Variants in UGT1A3 observed in about 807,000 individuals in gnomAD.
UGT1A3 encodes UDP-glucuronosyltransferase 1A3.
In UGT1A3, 31 loss-of-function variants were observed where a neutral mutation model predicts 41.0. The observed-to-expected ratio is 0.76, with a 90% CI of 0.57 to 1.02. UGT1A3 has a LOEUF of 1.02. UGT1A3 is among the 50% of genes least tolerant of loss of function. The probability of loss-of-function intolerance (pLI) is 0.00; values close to 1 mark genes in which losing one functional copy is unlikely to be tolerated. For missense variants in UGT1A3, 737 were observed against 671.0 expected (o/e 1.10, Z -1.09); for synonymous variants, 262 against 257.6 (o/e 1.02, Z -0.17).
At chr2:233,762,468 G>A (rs976449997) in intron 1 of UGT1A3, among the ~76,000 whole-genome samples, 1 of 152,122 alleles carries the variant, frequency 6.6e-6, no homozygotes, top group Non-Finnish European at 1.5e-5. Context: ...TAATGTCATG[G>A]ATATCACTCC....
intron 1 of UGT1A3, among the ~76,000 whole-genome samples, chr2:233,762,133 C>T (rs1697980653): frequency 6.6e-6 from 1 of 152,096 alleles, no homozygotes. Flanking sequence ...ATGTGGGGAC[C>T]TGTGTGACTT....
chr2:233,765,286 A>G (rs1698795381), intron 1 of UGT1A3, among the ~76,000 whole-genome samples: 1 of 152,246 alleles, frequency 6.6e-6, no homozygotes. Flanking sequence ...AAATTATTCT[A>G]CTATAAAGAC....
At chr2:233,742,287 T>C (rs1415995429) in intron 1 of UGT1A3, among the ~76,000 whole-genome samples, 2 of 152,000 alleles carry the variant, frequency 1.3e-5, no homozygotes, top group East Asian at 1.9e-4. Context: ...ATCATTTCTA[T>C]AGATTATAGA....
rs542881943 is a variant in UGT1A3, at chr2:233,729,093, G to A, written c.-34G>A. 7.1e-5 allele frequency: 115 copies of A among 1,612,640 alleles called. 3 individuals carry two copies. In the South Asian group the frequency reaches 1.2e-3, roughly 17 times the overall value. ...AGCAAATGTAGCAGGCACAGCGTGGGGTGGACAGTCAGCTGTCCGTGTCTT... is the reference window on the plus strand; with the variant it reads ...AGCAAATGTAGCAGGCACAGCGTGGAGTGGACAGTCAGCTGTCCGTGTCTT... On this transcript the variant is annotated 5_prime_UTR_variant, in exon 1 of 5. Transcript: ENST00000482026.
chr2:233,749,284 A>G (rs1432188982), intron 1 of UGT1A3, among the ~76,000 whole-genome samples: 1 of 151,920 alleles, frequency 6.6e-6, no homozygotes, highest in East Asian at 1.9e-4. Flanking sequence ...TATGCAGTGT[A>G]GTTATTCAAT....
intron 1 of UGT1A3, among the ~76,000 whole-genome samples, chr2:233,746,337 C>A (rs1693368199): frequency 6.6e-6 from 1 of 151,668 alleles, no homozygotes; most frequent in Admixed American, 6.6e-5. Context: ...GGGCAATGGA[C>A]ATGTTTATGT....
At chr2:233,757,721 G>A (rs1696705329) in intron 1 of UGT1A3, among the ~76,000 whole-genome samples, 1 of 151,638 alleles carries the variant, frequency 6.6e-6, no homozygotes, top group Non-Finnish European at 1.5e-5. Flanking sequence ...GGAGGGTCCT[G>A]TAGATGATCT....
intron 1 of UGT1A3, among the ~76,000 whole-genome samples, chr2:233,732,390 C>G (rs1458473666): frequency 6.6e-6 from 1 of 152,216 alleles, no homozygotes; most frequent in Admixed American, 6.5e-5. Flanking sequence ...TAGGCCATGC[C>G]TATGCCTAAA....
At chr2:233,741,073 T>C (rs1691558137) in intron 1 of UGT1A3, among the ~76,000 whole-genome samples, 1 of 151,920 alleles carries the variant, frequency 6.6e-6, no homozygotes, top group South Asian at 2.1e-4. Context: ...AGCGAGACCC[T>C]GTCTTTAAAA....
At position 233,729,415 on chromosome 2, in the gene UGT1A3, A is replaced by G. The variant is rs914222718; in HGVS notation, c.289A>G (p.Thr97Ala). 6.2e-7 allele frequency: 1 copy of G among 1,613,668 alleles called. No homozygotes were observed. ...ATTTGATCGCCATGTGCTGGGCCAC[A>G]CTCAACTGTACTTTGAAACAGAACA... is the stretch of plus-strand genomic sequence containing the variant. ...DEFDRHVLGH[T>A]QLYFETEHFL... The change falls in exon 1 of 5, where the codon ACT becomes GCT. Residue 97 changes from threonine to alanine, a missense_variant. Coordinates refer to ENST00000482026, the MANE Select transcript of UGT1A3 (RefSeq NM_019093.4).
At chr2:233,733,150 A>G (rs1001837266) in intron 1 of UGT1A3, among the ~76,000 whole-genome samples, 7 of 152,190 alleles carry the variant, frequency 4.6e-5, no homozygotes, top group Non-Finnish European at 7.3e-5. Flanking sequence ...ATTTTTGCAC[A>G]TTGATTTTGT....
At chr2:233,739,806 T>C (rs11695770) in intron 1 of UGT1A3, among the ~76,000 whole-genome samples, 15,021 of 151,014 alleles carry the variant, frequency 0.099, 1,689 homozygotes, top group African/African-American at 0.28. Context: ...TGGGAAGGCA[T>C]GATTGGTTTT....
Position 233,772,408 on chromosome 2 carries a change from A to T in UGT1A3, c.1454A>T (p.Tyr485Phe). The T allele has an allele frequency of 6.2e-7, 1 of 1,614,210 alleles. No homozygotes were observed. Among genetic ancestry groups the T allele is most frequent in the Middle Eastern group, 1.6e-4 (1 of 6,062 alleles). ...CCCGCAGCCCACGACCTCACCTGGT[A>T]CCAGTACCATTCCTTGGACGTGATT... ...LRPAAHDLTW[Y>F]QYHSLDVIGF... Residue 485 changes from tyrosine to phenylalanine, a missense_variant, in exon 5 of 5, where the codon TAC (tyrosine) becomes TTC (phenylalanine). Transcript: ENST00000482026.
rs115840798 is a variant in UGT1A3 at position 233,736,595 on chromosome 2, C to T, written c.867+6602C>T. Among the ~76,000 whole-genome samples, 665 of 152,242 alleles carry T rather than the reference C, an allele frequency of 4.4e-3. 8 individuals are homozygous for T. The highest frequency in any genetic ancestry group is 0.015 in the African/African-American group (625 of 41,542). ...ATCCTTTGGAGGAGATGTGCTTATG[C>T]GCTATGGTTTTTAGAATTTTCAGCT... is the stretch of plus-strand genomic sequence containing the variant. On this transcript the variant is annotated intron_variant, in intron 1 of 4. Transcript: ENST00000482026.
In UGT1A3 at chr2:233,761,069, T is replaced by C. The variant is rs772142239; in HGVS notation, c.868-5965T>C. Reference sequence around the variant, plus strand: ...GTCTGGCTGTTTAGAAGTGACTTTGTGAAGGATTACCCTAGGCCCATCATG... The same window carrying C: ...GTCTGGCTGTTTAGAAGTGACTTTGCGAAGGATTACCCTAGGCCCATCATG... On this transcript the variant is annotated intron_variant, in intron 1 of 4. Coordinates refer to ENST00000482026, the MANE Select transcript of UGT1A3 (RefSeq NM_019093.4). 13 of 1,614,208 alleles carry C rather than the reference T, an allele frequency of 8.1e-6. No homozygotes were observed. In the East Asian group the frequency reaches 2.7e-4, roughly 33 times the overall value.
At chr2:233,772,141 A>G in intron 4 of UGT1A3, 121 bp from the exon 5 acceptor site, 1 of 1,549,926 alleles carries the variant, frequency 6.5e-7, no homozygotes, top group South Asian at 1.2e-5. Context: ...CAATAATAGA[A>G]ACAGGTTTCC....
intron 1 of UGT1A3, among the ~76,000 whole-genome samples, chr2:233,765,985 G>A (rs1019803782): frequency 1.3e-5 from 2 of 152,120 alleles, no homozygotes; most frequent in Admixed American, 6.5e-5. Flanking sequence ...TACAGCTCCT[G>A]AAGCTCCAGT....
At chr2:233,737,333 A>G (rs1343218207) in intron 1 of UGT1A3, among the ~76,000 whole-genome samples, 1 of 152,246 alleles carries the variant, frequency 6.6e-6, no homozygotes, top group Non-Finnish European at 1.5e-5. Context: ...AGCAGTGAGC[A>G]AGGCTCCGTG....
intron 1 of UGT1A3, among the ~76,000 whole-genome samples, chr2:233,741,312 A>G (rs536876139): frequency 2.0e-5 from 3 of 151,548 alleles, no homozygotes; most frequent in African/African-American, 4.9e-5. Context: ...ATACACACCA[A>G]CTCATTCTAC....
Sources: gnomAD v4.1 joint callset for allele counts (sites outside exome capture counted in the v4.1 genomes callset) on GRCh38, gnomAD v4.1.1 for gene constraint, MANE v1.5 for transcripts, NCBI Gene and HGNC (gene_info 2026-07-23, HGNC 2026-07-21) for gene names.